ELMO1: variants seen among roughly 807,000 people sequenced by gnomAD.
ELMO1 encodes the protein engulfment and cell motility 1, also known as engulfment and cell motility protein 1.
Under a neutral mutation model 98.9 loss-of-function variants are expected in ELMO1, and 26 were observed. That is an observed-to-expected ratio of 0.26 (90% confidence interval 0.19 to 0.36). The LOEUF is 0.36. Ranked by LOEUF, ELMO1 falls within the 10% of genes least tolerant of loss-of-function variation. ELMO1 has a pLI of 1.00. For synonymous variants in ELMO1, 346 were observed against 346.0 expected (o/e 1.00, Z 0.00); for missense variants, 627 against 935.2 (o/e 0.67, Z 4.30).
At chr7:37,383,902 G>A (rs1432760160) in intron 1 of ELMO1, among the ~76,000 whole-genome samples, 2 of 152,084 alleles carry the variant, frequency 1.3e-5, no homozygotes, top group African/African-American at 2.4e-5. Context: ...TGCAAGCTCC[G>A]CATCCCCGGT....
intron 15 of ELMO1, among the ~76,000 whole-genome samples, chr7:37,068,837 C>T (rs1244888217): frequency 1.3e-5 from 2 of 152,108 alleles, no homozygotes; most frequent in African/African-American, 4.8e-5. Flanking sequence ...TAGTAATGAG[C>T]CCGACTCCTA....
At chr7:36,900,280 T>C (rs1806394456) in intron 16 of ELMO1, among the ~76,000 whole-genome samples, 1 of 152,204 alleles carries the variant, frequency 6.6e-6, no homozygotes, top group Non-Finnish European at 1.5e-5. Flanking sequence ...TGAAGCTAGT[T>C]ATTGGTGTAC....
chr7:37,415,662 T>C (rs10239693), intron 1 of ELMO1, among the ~76,000 whole-genome samples: 25,401 of 152,112 alleles, frequency 0.17, 2,268 homozygotes, highest in South Asian at 0.26. Context: ...GATTGTAATA[T>C]CTGCAATTGA....
In ELMO1 at chr7:36,855,985, G is replaced by A. The variant is rs964711237; in HGVS notation, c.1984-234C>T. Among the ~76,000 whole-genome samples the A allele has an allele frequency of 2.0e-5, 3 of 152,168 alleles. No homozygotes were observed. The highest frequency in any genetic ancestry group is 4.8e-5 in the African/African-American group (2 of 41,434). On this transcript the variant is annotated intron_variant, in intron 21 of 21. Coordinates refer to ENST00000310758, the MANE Select transcript of ELMO1 (RefSeq NM_014800.11). This position sits in a 1 kb window ranked among gnomAD's most constrained non-coding sequence, Gnocchi z 4.2. ...GAAGTGACTCAGTATTATGTAGACC[G>A]GGTGGGATTTGAACCCAGGCAATCT...
intron 17 of ELMO1, among the ~76,000 whole-genome samples, chr7:36,890,086 C>T (rs1347398155): frequency 6.6e-6 from 1 of 152,182 alleles, no homozygotes; most frequent in Non-Finnish European, 1.5e-5. Context: ...ACCCCATGGG[C>T]TATAACTGGG....
rs369838763 is a variant in ELMO1, at chr7:36,894,859, C to G, written c.1596G>C (p.Pro532=). The G allele has an allele frequency of 2.5e-6, 4 of 1,613,960 alleles. No homozygotes were observed. The African/African-American group carries it at 4.0e-5, about 16-fold the overall frequency. Residue 532 remains proline, a synonymous_variant, in exon 17 of 22, where the codon CCG becomes CCC. Transcript: ENST00000310758. ...RMNQEDFQSR[P]ILELKEKIQP... is the part of the protein sequence containing the mutation. ...GTCAATACTAGGTAACTTACAAAAT[C>G]GGGCGGGACTGGAAATCTTCCTGGT... is the stretch of plus-strand genomic sequence containing the variant.
chr7:37,005,680 G>A (rs1398643663), intron 16 of ELMO1, among the ~76,000 whole-genome samples: 8 of 124,426 alleles, frequency 6.4e-5, no homozygotes, highest in South Asian at 2.6e-4. Context: ...TGACAAGAGC[G>A]AGACTCTGTC....
At chr7:36,932,468 C>G (rs1232138898) in intron 16 of ELMO1, among the ~76,000 whole-genome samples, 1 of 152,112 alleles carries the variant, frequency 6.6e-6, no homozygotes, top group Non-Finnish European at 1.5e-5. Flanking sequence ...GAATTCAGAC[C>G]CTGCTAAATG....
At chr7:37,253,984 T>C (rs72624206) in intron 6 of ELMO1, among the ~76,000 whole-genome samples, 2,608 of 152,320 alleles carry the variant, frequency 0.017, 94 homozygotes, top group South Asian at 0.17. Flanking sequence ...TGTTAATTAA[T>C]TGAAGTCTTG....
At chr7:36,880,604 CGGAA>C (rs1804374896) in intron 18 of ELMO1, among the ~76,000 whole-genome samples, 1 of 152,110 alleles carries the variant, frequency 6.6e-6, no homozygotes, top group Non-Finnish European at 1.5e-5. Flanking sequence ...ATCATTAGAA[CGGAA>C]GGTAGACATG....
intron 16 of ELMO1, among the ~76,000 whole-genome samples, chr7:36,970,306 A>G (rs1159096543): frequency 6.6e-6 from 1 of 152,186 alleles, no homozygotes; most frequent in African/African-American, 2.4e-5. Context: ...TCTGTCCAAT[A>G]CACACACATG....
At chr7:36,918,963 C>A (rs1255629376) in intron 16 of ELMO1, among the ~76,000 whole-genome samples, 1 of 148,598 alleles carries the variant, frequency 6.7e-6, no homozygotes, top group African/African-American at 2.5e-5. Flanking sequence ...TAAGAGCAAG[C>A]AAGCATGCCT....
chr7:37,379,697 C>G (rs979219704), intron 1 of ELMO1, among the ~76,000 whole-genome samples: 7 of 152,206 alleles, frequency 4.6e-5, no homozygotes, highest in African/African-American at 1.7e-4. Context: ...CAGGACCCAG[C>G]TGGCATGGCA....
chr7:37,292,639 C>T (rs1268965030), intron 4 of ELMO1, among the ~76,000 whole-genome samples: 1 of 117,196 alleles, frequency 8.5e-6, no homozygotes, highest in African/African-American at 2.9e-5. Context: ...GCCTGGACGC[C>T]CCGTCTGAGA....
intron 16 of ELMO1, among the ~76,000 whole-genome samples, chr7:36,912,052 T>C (rs1784381271): frequency 1.3e-5 from 2 of 152,226 alleles, no homozygotes. Flanking sequence ...TTGCTTTAGA[T>C]GTTACACCGA....
At chr7:37,390,370 A>T (rs996118155) in intron 1 of ELMO1, among the ~76,000 whole-genome samples, 2 of 151,914 alleles carry the variant, frequency 1.3e-5, no homozygotes, top group Non-Finnish European at 2.9e-5. Flanking sequence ...GGGTGGCAGA[A>T]CTCCTCCCAT....
intron 14 of ELMO1, among the ~76,000 whole-genome samples, chr7:37,126,792 T>C (rs960852834): frequency 1.3e-5 from 2 of 152,192 alleles, no homozygotes; most frequent in Non-Finnish European, 2.9e-5. Flanking sequence ...GTGGTAGGTG[T>C]TTGATAATAT....
At chr7:36,879,689 G>A (rs1804264283) in intron 18 of ELMO1, among the ~76,000 whole-genome samples, 2 of 152,192 alleles carry the variant, frequency 1.3e-5, no homozygotes, top group South Asian at 4.1e-4. Context: ...AGCATAGTCA[G>A]AGTACGGCAA....
intron 15 of ELMO1, among the ~76,000 whole-genome samples, chr7:37,045,050 C>T (rs1274178602): frequency 1.3e-5 from 2 of 152,164 alleles, no homozygotes; most frequent in East Asian, 1.9e-4. Flanking sequence ...TTACTAGCAT[C>T]GTCAATAGAG....
Sources: gnomAD v4.1 joint callset for allele counts (sites outside exome capture counted in the v4.1 genomes callset) on GRCh38, gnomAD v4.1.1 for gene constraint, Gnocchi (gnomAD v3.1) non-coding constraint, MANE v1.5 for transcripts, NCBI Gene and HGNC (gene_info 2026-07-23, HGNC 2026-07-21) for gene names.